XIRP2: variants seen among roughly 807,000 people sequenced by gnomAD.
XIRP2 encodes xin actin binding repeat containing 2, also known as xin actin-binding repeat-containing protein 2.
Under a neutral mutation model 277.0 loss-of-function variants are expected in XIRP2, and 236 were observed. The ratio of observed to expected loss-of-function variants is 0.85; its 90% CI spans 0.77 to 0.95. XIRP2 has a LOEUF of 0.95. XIRP2 is among the 40% of genes least tolerant of loss of function. The pLI is 0.00. For missense variants in XIRP2, 4,640 were observed against 4,157.5 expected, an observed-to-expected ratio of 1.12 and a Z score of -3.19; for synonymous variants, 1,490 against 1,416.5, an observed-to-expected ratio of 1.05 and a Z score of -1.17.
At chr2:167,104,692 T>C (rs900891193) in intron 2 of XIRP2, among the ~76,000 whole-genome samples, 1 of 152,130 alleles carries the variant, frequency 6.6e-6, no homozygotes, top group African/African-American at 2.4e-5. Context: ...GCTTATTTTA[T>C]TTCTTCCCAC....
intron 5 of XIRP2, among the ~76,000 whole-genome samples, chr2:167,225,886 G>C (rs1268454308): frequency 6.6e-6 from 1 of 152,084 alleles, no homozygotes; most frequent in African/African-American, 2.4e-5. Context: ...CTTTGATGAT[G>C]AAAAGAACAC....
chr2:167,141,473 A>C (rs1293524222), intron 3 of XIRP2, among the ~76,000 whole-genome samples: 1 of 152,204 alleles, frequency 6.6e-6, no homozygotes, highest in Non-Finnish European at 1.5e-5. Context: ...ATATCGGAAG[A>C]CAGCAAGTGC....
chr2:167,173,701 C>T (rs1488491551), intron 3 of XIRP2, among the ~76,000 whole-genome samples: 2 of 152,076 alleles, frequency 1.3e-5, no homozygotes, highest in African/African-American at 4.8e-5. Flanking sequence ...TTTTGAGGAA[C>T]CCCAAACTGT....
chr2:167,099,095 C>T (rs1690415266), intron 2 of XIRP2, among the ~76,000 whole-genome samples: 1 of 152,238 alleles, frequency 6.6e-6, no homozygotes, highest in South Asian at 2.1e-4. Context: ...TTTGCTGAAG[C>T]TGTGTCCACA....
chr2:167,076,050 A>G (rs1689562184), intron 2 of XIRP2, among the ~76,000 whole-genome samples: 2 of 152,192 alleles, frequency 1.3e-5, no homozygotes, highest in Non-Finnish European at 2.9e-5. Context: ...AGTTTTCTTC[A>G]GAGGAAAATG....
intron 4 of XIRP2, among the ~76,000 whole-genome samples, chr2:167,217,899 A>G (rs1429691939): frequency 6.6e-6 from 1 of 152,188 alleles, no homozygotes; most frequent in Middle Eastern, 3.2e-3. Context: ...ATCTGCAGAC[A>G]TCAAAATTTA....
chr2:166,943,789 T>C (rs934529019), intron 2 of XIRP2, among the ~76,000 whole-genome samples: 1 of 152,242 alleles, frequency 6.6e-6, no homozygotes, highest in Non-Finnish European at 1.5e-5. Flanking sequence ...TTTTCACCAG[T>C]TGTTCCCCCA....
intron 5 of XIRP2, 123 bp downstream of exon 5, chr2:167,218,423 T>A: frequency 1.0e-6 from 1 of 997,704 alleles, no homozygotes; most frequent in Non-Finnish European, 1.3e-6. Flanking sequence ...ACAAACACTG[T>A]AGCTTTGAAA....
In XIRP2 at chr2:167,089,625, TG is replaced by T. The variant is rs547549041; in HGVS notation, c.409-46277del. On this transcript the variant is annotated intron_variant, in intron 2 of 10. Transcript: ENST00000409195. The stretch of plus-strand genomic sequence containing the variant: ...TGTGTATTACTTAAGTAAATGTGTG[TG>T]GGGGGGTGTATTAAGTAAATGTGCA... Among the ~76,000 whole-genome samples the T allele has an allele frequency of 3.3e-5, 5 of 152,046 alleles. No individual in the cohort carries two copies. The South Asian group carries it at 8.3e-4, about 25-fold the overall frequency.
intron 2 of XIRP2, among the ~76,000 whole-genome samples, chr2:167,098,699 C>T (rs1241353233): frequency 2.0e-5 from 3 of 152,164 alleles, no homozygotes; most frequent in Admixed American, 6.6e-5. Flanking sequence ...TTGCTCTTTG[C>T]TGTTGGTGAC....
At chr2:167,223,702 C>T (rs554997499) in intron 5 of XIRP2, among the ~76,000 whole-genome samples, 18 of 152,276 alleles carry the variant, frequency 1.2e-4, no homozygotes, top group Non-Finnish European at 2.2e-4. Flanking sequence ...TCTTCAAGGT[C>T]GTAGATTGCT....
At chr2:167,001,690 T>A (rs1687378340) in intron 2 of XIRP2, among the ~76,000 whole-genome samples, 2 of 152,178 alleles carry the variant, frequency 1.3e-5, no homozygotes, top group African/African-American at 4.8e-5. Context: ...TAGGATTTTG[T>A]AAGTGCCCCT....
intron 3 of XIRP2, among the ~76,000 whole-genome samples, chr2:167,190,306 T>A (rs1008419649): frequency 6.6e-6 from 1 of 151,950 alleles, no homozygotes; most frequent in Non-Finnish European, 1.5e-5. Flanking sequence ...AAACATGGGG[T>A]TGAATGTTCT....
At chr2:167,024,354 C>A (rs1242844211) in intron 2 of XIRP2, among the ~76,000 whole-genome samples, 2 of 152,074 alleles carry the variant, frequency 1.3e-5, no homozygotes, top group Non-Finnish European at 2.9e-5. Flanking sequence ...AGATTTTGGG[C>A]TGAGATGATG....
chr2:167,075,541 T>A (rs1352213580), intron 2 of XIRP2, among the ~76,000 whole-genome samples: 2 of 152,224 alleles, frequency 1.3e-5, no homozygotes, highest in Admixed American at 1.3e-4. Flanking sequence ...GTTTTGCGTC[T>A]TTGTCTCTTT....
intron 3 of XIRP2, among the ~76,000 whole-genome samples, chr2:167,183,330 T>C (rs745438763): frequency 6.6e-6 from 1 of 152,212 alleles, no homozygotes; most frequent in Non-Finnish European, 1.5e-5. Context: ...AGAATGTAGA[T>C]GTAGCTTGTC....
At chr2:167,239,583 C>T (rs1177998440) in intron 5 of XIRP2, among the ~76,000 whole-genome samples, 1 of 152,126 alleles carries the variant, frequency 6.6e-6, no homozygotes, top group East Asian at 1.9e-4. Flanking sequence ...TGGATTGTCC[C>T]CTCCAGCCTG....
At chr2:167,102,283 A>G (rs1208614627) in intron 2 of XIRP2, among the ~76,000 whole-genome samples, 1 of 152,200 alleles carries the variant, frequency 6.6e-6, no homozygotes, top group East Asian at 1.9e-4. Context: ...AAATAATCAA[A>G]GTCCTAAAGT....
chr2:166,911,515 G>C lies in XIRP2; in HGVS notation c.408+7625G>C, dbSNP rs539342362. Reference sequence around the variant, plus strand: ...AGCCTATGTGTGTCTCTGCCCATGAGATGGGTCTCCTCAATACAGCAACCT... The same window carrying C: ...AGCCTATGTGTGTCTCTGCCCATGACATGGGTCTCCTCAATACAGCAACCT... On this transcript the variant is annotated intron_variant, in intron 2 of 10. Transcript: ENST00000409195. 7.9e-5 allele frequency among the ~76,000 whole-genome samples: 12 copies of C among 152,236 alleles called. No homozygotes were observed. In the South Asian group the frequency reaches 2.5e-3, roughly 32 times the overall value.
Sources: allele counts gnomAD v4.1 joint callset (sites outside exome capture counted in the v4.1 genomes callset), GRCh38; gene constraint gnomAD v4.1.1; transcripts MANE v1.5; gene names NCBI Gene and HGNC (gene_info 2026-07-23, HGNC 2026-07-21).